Variants in ASB16 observed in about 807,000 individuals in gnomAD.
ASB16 encodes the protein ankyrin repeat and SOCS box protein 16.
In ASB16, 44 loss-of-function variants were observed where a neutral mutation model predicts 39.1. The observed-to-expected ratio is 1.13, with a 90% CI of 0.88 to 1.45. The LOEUF (loss-of-function observed/expected upper bound fraction) is 1.45. ASB16 is among the 40% of genes most tolerant of loss of function. The pLI is 0.00. For synonymous variants in ASB16, 305 were observed against 286.7 expected, an observed-to-expected ratio of 1.06 and a Z score of -0.64; for missense variants, 698 against 634.5, an observed-to-expected ratio of 1.10 and a Z score of -1.07.
chr17:44,171,560 C>CGAAAAAAAAAAA (rs2054242809), intron 1 of ASB16, among the ~76,000 whole-genome samples: 1 of 49,546 alleles, frequency 2.0e-5, no homozygotes, highest in African/African-American at 6.2e-4. Flanking sequence ...GAGACCCTGC[C>CGAAAAAAAAAAA]TAAAAAAAAA....
intron 2 of ASB16, among the ~76,000 whole-genome samples, chr17:44,175,629 C>T (rs1308634039): frequency 6.6e-6 from 1 of 152,096 alleles, no homozygotes; most frequent in African/African-American, 2.4e-5. Flanking sequence ...GGATCTGCTC[C>T]TGTTTCCAGC....
chr17:44,178,520 T>A lies in ASB16; in HGVS notation c.*130T>A, dbSNP rs2144196391. The stretch of plus-strand genomic sequence containing the variant: ...CCTAGTCTCACTCTGTTGCCCAGGC[T>A]GGAGTGCAGTGGCGCTATCTCGGCT... On this transcript the variant is annotated 3_prime_UTR_variant, in exon 5 of 5. Transcript: ENST00000293414. The A allele has an allele frequency of 3.0e-6, 3 of 992,914 alleles. No individual in the cohort carries two copies. The highest frequency in any genetic ancestry group is 3.4e-5 in the South Asian group (2 of 58,316). 61.5% of individuals were successfully genotyped at this position (992,914 alleles called of 1,614,324 possible).
chr17:44,178,425 C>T lies in ASB16; in HGVS notation c.*35C>T, dbSNP rs2054332728. ...CAGGCTGTCCCATGGTGTGTTCTGCCCCTCCCACCTGTCCCCGCCTCCAAC... is the reference window on the plus strand; with the variant it reads ...CAGGCTGTCCCATGGTGTGTTCTGCTCCTCCCACCTGTCCCCGCCTCCAAC... On this transcript the variant is annotated 3_prime_UTR_variant, in exon 5 of 5. Coordinates refer to ENST00000293414, the MANE Select transcript of ASB16 (RefSeq NM_080863.5). 6.5e-7 allele frequency: 1 copy of T among 1,527,786 alleles called. No individual in the cohort carries two copies. Among genetic ancestry groups the T allele is most frequent in the Non-Finnish European group, 8.9e-7 (1 of 1,129,610 alleles). 94.6% of individuals were successfully genotyped at this position (1,527,786 alleles called of 1,614,324 possible).
In ASB16 at chr17:44,177,058, G is replaced by A. The variant is rs2054305344; in HGVS notation, c.890G>A (p.Gly297Glu). 1 of 1,473,718 alleles carries A rather than the reference G, an allele frequency of 6.8e-7. No individual in the cohort carries two copies. The highest frequency in any genetic ancestry group is 2.7e-5 in the East Asian group (1 of 36,600). The allele number at this position is 1,473,718 out of a possible 1,614,324, so 91.3% of individuals were successfully genotyped here. A position where few individuals can be genotyped will look rare whatever the true frequency, so the allele number is the denominator to read the frequency against. The change falls in exon 3 of 5, where the codon GGG becomes GAG. Residue 297 changes from glycine (G) to glutamate (E), a missense_variant. Gly to Glu is a moderately conservative substitution (Grantham distance 98). Transcript: ENST00000293414. The stretch of plus-strand genomic sequence containing the variant: ...CACAACGCTTGTGCCAACGGCTGCG[G>A]GGGCCTGGCCGAGCTGCTGCTGCGT... ...PLHNACANGC[G>E]GLAELLLRYG... is the part of the protein sequence containing the mutation.
intron 4 of ASB16, among the ~76,000 whole-genome samples, 199 bp from the exon 5 acceptor site, chr17:44,178,006 C>T (rs887592677): frequency 6.6e-6 from 1 of 152,176 alleles, no homozygotes; most frequent in African/African-American, 2.4e-5. Context: ...GTGGTATAGA[C>T]ATAGTGGAGA....
intron 3 of ASB16, 169 bp downstream of exon 3, chr17:44,177,399 T>A: frequency 8.5e-7 from 1 of 1,182,706 alleles, no homozygotes; most frequent in Non-Finnish European, 1.2e-6. Flanking sequence ...GGAGAGAGAG[T>A]CCAAGGGAGG....
intron 2 of ASB16, chr17:44,176,447 T>C: frequency 2.0e-6 from 1 of 511,950 alleles, no homozygotes; most frequent in Non-Finnish European, 3.5e-6. Context: ...TGGGAGGGAC[T>C]GTCTGAGGCA....
At position 44,177,162 on chromosome 17, in the gene ASB16, C is replaced by T; in HGVS notation, c.994C>T (p.Pro332Ser). 6.5e-7 allele frequency: 1 copy of T among 1,529,218 alleles called. No individual in the cohort carries two copies. The highest frequency in any genetic ancestry group is 8.8e-7 in the Non-Finnish European group (1 of 1,139,970). 94.7% of individuals were successfully genotyped at this position (1,529,218 alleles called of 1,614,324 possible). ...DCALQAVQDS[P>S]NWEPEVLFAA... is the part of the protein sequence containing the mutation. ...TGCGCTGCAGGCCGTCCAGGACTCC[C>T]CCAACTGGGAGCCTGAAGTCCTTTT... Residue 332 changes from proline to serine, a missense_variant, in exon 3 of 5, where the codon CCC (proline) becomes TCC (serine). By Grantham distance (74) the Pro-to-Ser change is moderately conservative (BLOSUM62 -1). Coordinates refer to ENST00000293414, the MANE Select transcript of ASB16 (RefSeq NM_080863.5).
rs1037163759 is a variant in ASB16 at position 44,177,118 on chromosome 17, G to C, written c.950G>C (p.Gly317Ala). 2 of 1,490,220 alleles carry C rather than the reference G, an allele frequency of 1.3e-6. No homozygotes were observed. The highest frequency in any genetic ancestry group is 1.8e-6 in the Non-Finnish European group (2 of 1,128,220). 92.3% of individuals were successfully genotyped at this position (1,490,220 alleles called of 1,614,324 possible). Residue 317 changes from glycine to alanine, a missense_variant, in exon 3 of 5, where the codon GGC (glycine) becomes GCC (alanine). Gly to Ala is a moderately conservative substitution (Grantham distance 60). Coordinates refer to ENST00000293414, the MANE Select transcript of ASB16 (RefSeq NM_080863.5). ...GARAEVPNGA[G>A]HTPMDCALQA... is the part of the protein sequence containing the mutation. ...CGCGCTGAGGTCCCCAATGGGGCGG[G>C]CCACACGCCCATGGACTGTGCGCTG... is the stretch of plus-strand genomic sequence containing the variant.
intron 4 of ASB16, among the ~76,000 whole-genome samples, 188 bp from the exon 5 acceptor site, chr17:44,178,017 C>T (rs186887502): frequency 1.5e-4 from 22 of 151,708 alleles, no homozygotes; most frequent in African/African-American, 5.1e-4. Context: ...ATAGTGGAGA[C>T]CCTTCCCTGA....
At position 44,170,990 on chromosome 17, in the gene ASB16, C is replaced by G; in HGVS notation, c.201C>G (p.Ser67=). The stretch of plus-strand genomic sequence containing the variant: ...CAGCTGTCCACCAAGCCCTCTTCTC[C>G]GGCAACCTGCAGCAGGTCCAAGCCC... ...RDPAVHQALF[S]GNLQQVQALF... is the part of the protein sequence containing the mutation. The change falls in exon 1 of 5, where the codon TCC becomes TCG. Residue 67 remains serine, a synonymous_variant. Coordinates refer to ENST00000293414, the MANE Select transcript of ASB16 (RefSeq NM_080863.5). 1 of 1,613,984 alleles carries G rather than the reference C, an allele frequency of 6.2e-7. No individual in the cohort carries two copies. The highest frequency in any genetic ancestry group is 8.5e-7 in the Non-Finnish European group (1 of 1,180,006).
Position 44,178,336 on chromosome 17 carries a change from GC to G in ASB16, c.1313del (p.Pro438ArgfsTer53). The G allele has an allele frequency of 1.2e-6, 2 of 1,611,562 alleles. No homozygotes were observed. The highest frequency in any genetic ancestry group is 1.7e-6 in the Non-Finnish European group (2 of 1,179,132). On this transcript the variant is annotated frameshift_variant, in exon 5 of 5. Coordinates refer to ENST00000293414, the MANE Select transcript of ASB16 (RefSeq NM_080863.5). LOFTEE classifies it high-confidence loss of function. ...GGCAGGGTGCCACCCGGCTGCCACT[GC>G]CCCCGCTCCTCAGGGACTACCTGCT... ...CRQGATRLPL[P>X]PLLRDYLLLR...
At chr17:44,177,442 G>A (rs2054314779) in intron 3 of ASB16, 167 bp from the exon 4 acceptor site, 1 of 1,137,686 alleles carries the variant, frequency 8.8e-7, no homozygotes, top group Non-Finnish European at 1.2e-6. Flanking sequence ...GGGCCAAAAG[G>A]TTGGAGCATA....
chr17:44,172,359 GT>G (rs773956658), intron 2 of ASB16, 46 bp downstream of exon 2: 2 of 1,583,674 alleles, frequency 1.3e-6, no homozygotes, highest in South Asian at 2.2e-5. Flanking sequence ...ATGTGTGTGT[GT>G]GTCTCCAGCT....
Position 44,170,902 on chromosome 17 carries a change from G to A in ASB16, c.113G>A (p.Ser38Asn), listed in dbSNP as rs779878771. 13 of 1,612,286 alleles carry A rather than the reference G, an allele frequency of 8.1e-6. No homozygotes were observed. In the South Asian group the frequency reaches 1.2e-4, roughly 15 times the overall value. The change falls in exon 1 of 5, where the codon AGC becomes AAC. Residue 38 changes from serine (S) to asparagine (N), a missense_variant. Ser to Asn is a conservative substitution (Grantham distance 46). Coordinates refer to ENST00000293414, the MANE Select transcript of ASB16 (RefSeq NM_080863.5). Reference protein sequence around the residue: ...RRRAAAQQCRSRRCPSSPRAR... With the variant: ...RRRAAAQQCRNRRCPSSPRAR... ...CGGGCGGCTGCCCAGCAGTGCCGGA[G>A]CCGCAGGTGCCCGTCAAGTCCCCGG...
In ASB16 at chr17:44,178,354, C is replaced by A. The variant is rs771171795; in HGVS notation, c.1326C>A (p.Asp442Glu). The change falls in exon 5 of 5, where the codon GAC becomes GAA. Residue 442 changes from aspartate to glutamate, a missense_variant. Coordinates refer to ENST00000293414, the MANE Select transcript of ASB16 (RefSeq NM_080863.5). ...TRLPLPPLLR[D>E]YLLLRVEGCI... ...TGCCACTGCCCCCGCTCCTCAGGGA[C>A]TACCTGCTGCTGCGTGTGGAGGGGT... The A allele has an allele frequency of 1.6e-5, 26 of 1,609,854 alleles. No homozygotes were observed. The East Asian group carries it at 5.6e-4, about 35-fold the overall frequency.
chr17:44,176,430 T>G, intron 2 of ASB16: 2 of 471,284 alleles, frequency 4.2e-6, no homozygotes, highest in South Asian at 2.2e-5. Context: ...GGAGACAGAG[T>G]AGACTGTGGG....
intron 1 of ASB16, 53 bp downstream of exon 1, chr17:44,171,143 T>C: frequency 6.5e-7 from 1 of 1,535,526 alleles, no homozygotes; most frequent in South Asian, 1.2e-5. Context: ...GGGGAGTGGG[T>C]GGGGAAGGGG....
At chr17:44,177,574 G>A (rs761697235) in intron 3 of ASB16, 35 bp from the exon 4 acceptor site, 12 of 1,604,420 alleles carry the variant, frequency 7.5e-6, no homozygotes, top group East Asian at 4.5e-5. Context: ...TCGGGTGGGG[G>A]AGGCATGTGC....
Sources: allele counts gnomAD v4.1 joint callset (sites outside exome capture counted in the v4.1 genomes callset), GRCh38; gene constraint gnomAD v4.1.1; transcripts MANE v1.5; gene names NCBI Gene and HGNC (gene_info 2026-07-23, HGNC 2026-07-21).